Variants in NRSN1 observed in about 807,000 individuals in gnomAD.
NRSN1 encodes neurensin-1.
A neutral mutation model predicts 17.3 loss-of-function variants in NRSN1; 14 were observed. The ratio of observed to expected loss-of-function variants is 0.81; its 90% CI spans 0.54 to 1.27. The LOEUF (loss-of-function observed/expected upper bound fraction) is 1.27. NRSN1 is among the 50% of genes most tolerant of loss of function. The pLI is 0.00. For missense variants in NRSN1, 209 were observed against 235.9 expected, an observed-to-expected ratio of 0.89 and a Z score of 0.75; for synonymous variants, 79 against 94.2, an observed-to-expected ratio of 0.84 and a Z score of 0.93.
chr6:24,145,290 T>A lies in NRSN1; in HGVS notation c.190-258T>A, dbSNP rs1253727126. 2.7e-5 allele frequency among the ~76,000 whole-genome samples: 4 copies of A among 147,634 alleles called. No individual in the cohort carries two copies. Among genetic ancestry groups the A allele is most frequent in the African/African-American group, 9.8e-5 (4 of 40,634 alleles). Reference sequence around the variant, plus strand: ...TTAGATATACAATATATGTATATCTTTAGATATATAATATATATATATGAT... The same window carrying A: ...TTAGATATACAATATATGTATATCTATAGATATATAATATATATATATGAT... On this transcript the variant is annotated intron_variant, in intron 3 of 3. Transcript: ENST00000378491. The surrounding 1 kb of genome is among the most constrained non-coding windows in gnomAD (Gnocchi z 4.4).
intron 2 of NRSN1, among the ~76,000 whole-genome samples, chr6:24,132,975 G>A (rs998794524): frequency 2.5e-4 from 38 of 152,128 alleles, no homozygotes; most frequent in African/African-American, 9.2e-4. Flanking sequence ...TGCTTATATG[G>A]AGATCAGAAA....
intron 3 of NRSN1, among the ~76,000 whole-genome samples, chr6:24,142,046 T>A (rs749527901): frequency 4.6e-5 from 7 of 152,188 alleles, no homozygotes; most frequent in African/African-American, 1.4e-4. Flanking sequence ...CTGATATGAG[T>A]CATTTTCTAA....
chr6:24,141,715 T>G (rs1760206854), intron 3 of NRSN1, among the ~76,000 whole-genome samples: 1 of 152,228 alleles, frequency 6.6e-6, no homozygotes, highest in African/African-American at 2.4e-5. Context: ...GGAGTGGATT[T>G]TCATCGAAAG....
At chr6:24,131,179 A>T (rs184321911) in intron 2 of NRSN1, among the ~76,000 whole-genome samples, 20 of 152,298 alleles carry the variant, frequency 1.3e-4, no homozygotes, top group Non-Finnish European at 4.4e-5. Flanking sequence ...GTTTTATGAC[A>T]CTTTCTATCT....
In NRSN1 at chr6:24,134,439, A is replaced by G. The variant is rs771393466; in HGVS notation, c.112A>G (p.Thr38Ala). The G allele has an allele frequency of 1.2e-6, 2 of 1,614,040 alleles. No homozygotes were observed. Among genetic ancestry groups the G allele is most frequent in the Admixed American group, 1.7e-5 (1 of 60,014 alleles). ...CCTGCACCAGTTTTATGAGGACTGT[A>G]CAGCCTCAATTTGGGAGTATGAGGA... The part of the protein sequence containing the change: ...SYLHQFYEDC[T>A]ASIWEYEDDF... The change falls in exon 3 of 4, where the codon ACA (threonine) becomes GCA (alanine). Residue 38 changes from threonine (T) to alanine (A), a missense_variant. Coordinates refer to ENST00000378491, the MANE Select transcript of NRSN1 (RefSeq NM_080723.5).
rs539460226 is a variant in NRSN1 at position 24,143,026 on chromosome 6, G to T, written c.190-2522G>T. 1.1e-4 allele frequency among the ~76,000 whole-genome samples: 16 copies of T among 152,244 alleles called. No homozygotes were observed. The South Asian group carries it at 3.1e-3, about 30-fold the overall frequency. On this transcript the variant is annotated intron_variant, in intron 3 of 3. Transcript: ENST00000378491. ...CTAGACACAGAGCGCTGATTGGTGT[G>T]TTTTTTACAGAGTGCTGATTGGTGA... is the stretch of plus-strand genomic sequence containing the variant.
chr6:24,129,168 T>C (rs1008539060), intron 2 of NRSN1: 2 of 152,242 alleles, frequency 1.3e-5, no homozygotes. Context: ...ATTCTCAGCA[T>C]TTGTACTCCC....
In NRSN1 at chr6:24,141,008, G is replaced by A. The variant is rs565218455; in HGVS notation, c.190-4540G>A. ...CAAAAACTGTCCTCGCTGCTGTTTCGGGAGTTTGTCACCACCTGGAGAGGC... is the reference window on the plus strand; with the variant it reads ...CAAAAACTGTCCTCGCTGCTGTTTCAGGAGTTTGTCACCACCTGGAGAGGC... On this transcript the variant is annotated intron_variant, in intron 3 of 3. Transcript: ENST00000378491. 61 of 1,469,572 alleles carry A rather than the reference G, an allele frequency of 4.2e-5. No individual in the cohort carries two copies. The Admixed American group carries it at 1.0e-3, about 24-fold the overall frequency. The allele number at this position is 1,469,572 out of a possible 1,614,324, so 91.0% of individuals were successfully genotyped here.
At chr6:24,138,060 T>C (rs935736587) in intron 3 of NRSN1, among the ~76,000 whole-genome samples, 2 of 152,160 alleles carry the variant, frequency 1.3e-5, no homozygotes, top group African/African-American at 2.4e-5. Flanking sequence ...CAGAAGACTC[T>C]GAAAGGCCAT....
At chr6:24,130,160 G>T (rs1561865000) in intron 2 of NRSN1, among the ~76,000 whole-genome samples, 1 of 152,114 alleles carries the variant, frequency 6.6e-6, no homozygotes. Context: ...TAACCTTTTT[G>T]TTGTTGCTAC....
intron 3 of NRSN1, among the ~76,000 whole-genome samples, chr6:24,143,256 C>A (rs550509352): frequency 5.3e-4 from 81 of 152,304 alleles, no homozygotes; most frequent in Non-Finnish European, 1.0e-3. Flanking sequence ...CTTGGCCTCC[C>A]AAAGTGCTAA....
At chr6:24,131,220 C>A (rs1357765648) in intron 2 of NRSN1, among the ~76,000 whole-genome samples, 2 of 152,134 alleles carry the variant, frequency 1.3e-5, no homozygotes, top group African/African-American at 4.8e-5. Flanking sequence ...TTGTTTTTAA[C>A]AAAGTTGGAC....
chr6:24,130,745 T>C (rs1581547436), intron 2 of NRSN1, among the ~76,000 whole-genome samples: 1 of 152,242 alleles, frequency 6.6e-6, no homozygotes, highest in Admixed American at 6.5e-5. Context: ...AAGTAAGAAT[T>C]TGAGCTGTCA....
chr6:24,129,373 CCTT>C (rs1228688747), intron 2 of NRSN1: 5 of 152,190 alleles, frequency 3.3e-5, no homozygotes, highest in Non-Finnish European at 7.3e-5. Context: ...ACTACTCAGG[CCTT>C]CATCCACACC....
Position 24,146,300 on chromosome 6 carries a change from T to G in NRSN1, c.*354T>G, listed in dbSNP as rs1458785306. On this transcript the variant is annotated 3_prime_UTR_variant, in exon 4 of 4. Transcript: ENST00000378491. ...GCTCACCAATGGCTAATGTGGTCCA[T>G]TTTATTTTCTAATATTGGTTTATCT... is the stretch of plus-strand genomic sequence containing the variant. 9.5e-6 allele frequency: 5 copies of G among 524,702 alleles called. No individual in the cohort carries two copies. The highest frequency in any genetic ancestry group is 3.8e-5 in the African/African-American group (2 of 52,406). The allele number at this position is 524,702 out of a possible 1,614,324, so 32.5% of individuals were successfully genotyped here. A position where few individuals can be genotyped will look rare whatever the true frequency, so the allele number is the denominator to read the frequency against.
rs192829631 is a variant in NRSN1, at chr6:24,144,999, A to T, written c.190-549A>T. Among the ~76,000 whole-genome samples, 488 of 147,352 alleles carry T rather than the reference A, an allele frequency of 3.3e-3. 3 individuals are homozygous for T. The highest frequency in any genetic ancestry group is 0.018 in the Middle Eastern group (5 of 278). ...AAATTTAAAAAAAAAAGATATTTAT[A>T]TATATATTTACATATTACATATCTA... On this transcript the variant is annotated intron_variant, in intron 3 of 3. Coordinates refer to ENST00000378491, the MANE Select transcript of NRSN1 (RefSeq NM_080723.5).
chr6:24,128,525 G>T (rs182163495), intron 2 of NRSN1, among the ~76,000 whole-genome samples: 15 of 152,164 alleles, frequency 9.9e-5, no homozygotes, highest in Non-Finnish European at 1.5e-5. Flanking sequence ...GTAGGAACAC[G>T]GTTCAGGATT....
chr6:24,137,537 TTATTATTATTAC>T (rs1760135529), intron 3 of NRSN1, among the ~76,000 whole-genome samples: 1 of 151,950 alleles, frequency 6.6e-6, no homozygotes, highest in Admixed American at 6.6e-5. Flanking sequence ...TTTTTTAATT[TTATTATTATTAC>T]ACTTTAAGTT....
chr6:24,136,178 G>C (rs1269781175), intron 3 of NRSN1, among the ~76,000 whole-genome samples: 1 of 152,162 alleles, frequency 6.6e-6, no homozygotes, highest in Non-Finnish European at 1.5e-5. Context: ...AATTAAATGA[G>C]ATAGTATTTA....
Sources: allele counts gnomAD v4.1 joint callset (sites outside exome capture counted in the v4.1 genomes callset), GRCh38; gene constraint gnomAD v4.1.1; non-coding constraint Gnocchi (gnomAD v3.1); transcripts MANE v1.5; gene names NCBI Gene and HGNC (gene_info 2026-07-23, HGNC 2026-07-21).